Variants in ARID4B observed in about 807,000 individuals in gnomAD.
The protein encoded by ARID4B is AT-rich interactive domain-containing protein 4B.
ARID4B carries 26 observed loss-of-function variants against 147.5 expected under a neutral mutation model. The ratio of observed to expected loss-of-function variants is 0.18; its 90% CI spans 0.13 to 0.24. The LOEUF (loss-of-function observed/expected upper bound fraction) is 0.24, where lower values mean the gene tolerates loss of function less well. Among genes scored for constraint, ARID4B ranks in the 10% least tolerant of loss-of-function variants. The probability of loss-of-function intolerance (pLI) is 1.00; values close to 1 mark genes in which losing one functional copy is unlikely to be tolerated. For missense variants in ARID4B, 1,179 were observed against 1,511.5 expected (o/e 0.78, Z 3.65); for synonymous variants, 512 against 507.9 (o/e 1.01, Z -0.11).
chr1:235,255,542 G>C, intron 5 of ARID4B, 118 bp downstream of exon 5: 1 of 595,834 alleles, frequency 1.7e-6, no homozygotes, highest in Admixed American at 3.6e-5. Flanking sequence ...ATAAAATCCA[G>C]TAACAGTAAT....
At chr1:235,286,454 A>C (rs1671979453) in intron 2 of ARID4B, among the ~76,000 whole-genome samples, 1 of 152,222 alleles carries the variant, frequency 6.6e-6, no homozygotes, top group African/African-American at 2.4e-5. Flanking sequence ...TTAAACAGTT[A>C]AGTTACCATA....
intron 2 of ARID4B, among the ~76,000 whole-genome samples, chr1:235,265,056 G>A (rs1670516985): frequency 1.6e-5 from 2 of 126,978 alleles, no homozygotes; most frequent in South Asian, 2.5e-4. Flanking sequence ...GTGAAACTTC[G>A]TCTCAAAAAA....
chr1:235,183,269 C>T (rs1434245372), intron 19 of ARID4B, among the ~76,000 whole-genome samples: 1 of 150,706 alleles, frequency 6.6e-6, no homozygotes, highest in Non-Finnish European at 1.5e-5. Flanking sequence ...GTGTAAGTGG[C>T]GTGATGTCGG....
chr1:235,247,834 C>T (rs764454219), intron 6 of ARID4B, among the ~76,000 whole-genome samples: 11 of 151,896 alleles, frequency 7.2e-5, no homozygotes, highest in Admixed American at 2.6e-4. Context: ...ACTAAAAATA[C>T]AAAATTAGCC....
intron 17 of ARID4B, among the ~76,000 whole-genome samples, chr1:235,208,676 G>GTT (rs35443364): frequency 1.9e-4 from 29 of 149,790 alleles, no homozygotes; most frequent in South Asian, 1.1e-3. Context: ...CTAATTTTGT[G>GTT]TTTTTTTTTA....
At chr1:235,250,330 G>C (rs1442684195) in intron 6 of ARID4B, among the ~76,000 whole-genome samples, 12 of 151,918 alleles carry the variant, frequency 7.9e-5, no homozygotes, top group African/African-American at 2.9e-4. Flanking sequence ...TACTCTGAAT[G>C]GTCTTTCAAA....
chr1:235,229,055 A>G (rs1427331135), intron 11 of ARID4B, 176 bp downstream of exon 11: 10 of 705,028 alleles, frequency 1.4e-5, no homozygotes, highest in Non-Finnish European at 2.0e-5. Flanking sequence ...ACAAGATCAT[A>G]TATCTAAAGT....
rs1300764248 is a variant in ARID4B, at chr1:235,172,537, CA to C, written c.3811+80del. On this transcript the variant is annotated intron_variant, in intron 23 of 23. Coordinates refer to ENST00000264183, the MANE Select transcript of ARID4B (RefSeq NM_016374.6). ...AGGTTGCAGTGAGCCGAGATTGCGC[CA>C]TTGCACTCCAGCCTGGCGACAAGAG... is the stretch of plus-strand genomic sequence containing the variant. 8.0e-6 allele frequency: 8 copies of C among 1,001,934 alleles called. No individual in the cohort carries two copies. The Admixed American group carries it at 1.7e-4, about 21-fold the overall frequency. The allele number at this position is 1,001,934 out of a possible 1,614,324, so 62.1% of individuals were successfully genotyped here.
chr1:235,320,248 T>C (rs988801215), intron 2 of ARID4B, among the ~76,000 whole-genome samples: 3 of 152,040 alleles, frequency 2.0e-5, no homozygotes, highest in African/African-American at 7.3e-5. Flanking sequence ...GAGGCTGCAG[T>C]GAGCCGAGAT....
intron 17 of ARID4B, among the ~76,000 whole-genome samples, chr1:235,210,531 T>G (rs1666645925): frequency 6.7e-6 from 1 of 149,136 alleles, no homozygotes; most frequent in Non-Finnish European, 1.5e-5. Context: ...TATTGCTTAT[T>G]TATCAATAAG....
Position 235,229,381 on chromosome 1 carries a change from A to G in ARID4B, c.747T>C (p.Phe249=). 6.2e-7 allele frequency: 1 copy of G among 1,609,490 alleles called. No individual in the cohort carries two copies. Among genetic ancestry groups the G allele is most frequent in the South Asian group, 1.1e-5 (1 of 90,770 alleles). Residue 249 remains phenylalanine (F), a synonymous_variant, in exon 11 of 24, where the codon TTT becomes TTC. Transcript: ENST00000264183. ...TTTTGTGAAATTCAAGTGCCTGTTC[A>G]AAGGCTGGAAACAGACCACAAGGTA... is the stretch of plus-strand genomic sequence containing the variant. The part of the protein sequence containing the change: ...PKPDAVLKQA[F]EQALEFHKSR...
chr1:235,272,774 A>G (rs1671075427), intron 2 of ARID4B, among the ~76,000 whole-genome samples: 1 of 151,912 alleles, frequency 6.6e-6, no homozygotes, highest in Non-Finnish European at 1.5e-5. Flanking sequence ...TATTACACAT[A>G]AAATCACATG....
At chr1:235,261,133 G>C (rs558013974) in intron 2 of ARID4B, among the ~76,000 whole-genome samples, 1 of 152,008 alleles carries the variant, frequency 6.6e-6, no homozygotes, top group Non-Finnish European at 1.5e-5. Context: ...ATTCTGGGGT[G>C]GGGGGGAAAT....
intron 21 of ARID4B, among the ~76,000 whole-genome samples, chr1:235,176,437 C>CAAAAAAAAAAAAAAAAAAAAAAAAAAAA (rs34808765): frequency 4.4e-5 from 1 of 22,522 alleles, no homozygotes; most frequent in African/African-American, 9.9e-5. Flanking sequence ...ACAACATCAC[C>CAAAAAAAAAAAAAAAAAAAAAAAAAAAA]AAAAAAAAAA....
chr1:235,309,522 G>A (rs549920169), intron 2 of ARID4B, among the ~76,000 whole-genome samples: 19,898 of 139,360 alleles, frequency 0.14, 1,706 homozygotes, highest in African/African-American at 0.28. Flanking sequence ...CCCTCTGCCC[G>A]GCCAGCCGCC....
chr1:235,254,411 T>C (rs574158907), intron 5 of ARID4B, among the ~76,000 whole-genome samples: 2 of 152,168 alleles, frequency 1.3e-5, no homozygotes, highest in East Asian at 1.9e-4. Context: ...ATCATTATTT[T>C]AGAATGTTGG....
intron 18 of ARID4B, among the ~76,000 whole-genome samples, chr1:235,195,177 G>C (rs890412150): frequency 1.2e-4 from 18 of 152,036 alleles, no homozygotes; most frequent in Non-Finnish European, 2.1e-4. Flanking sequence ...ATGCATAGAA[G>C]ATGCTAATCA....
In ARID4B at chr1:235,194,148, G is replaced by A. The variant is rs1665318722; in HGVS notation, c.1990C>T (p.Arg664Cys). The A allele has an allele frequency of 1.2e-6, 2 of 1,613,422 alleles. No homozygotes were observed. Among genetic ancestry groups the A allele is most frequent in the Non-Finnish European group, 1.7e-6 (2 of 1,179,430 alleles). ...KYSPKNCKLR[R>C]LSKPPFQTNP... ...GTCTGAAATGGTGGTTTGGACAAGC[G>A]CCGAAGTTTACAGTTTTTTGGAGAG... The change falls in exon 19 of 24, where the codon CGC becomes TGC. Residue 664 changes from arginine (R) to cysteine (C), a missense_variant. Physicochemically the swap from Arg to Cys is radical, Grantham distance 180. Transcript: ENST00000264183.
At chr1:235,203,214 T>C (rs16832462) in intron 17 of ARID4B, among the ~76,000 whole-genome samples, 4,517 of 152,304 alleles carry the variant, frequency 0.03, 222 homozygotes, top group African/African-American at 0.1. Context: ...AAAGAAAACT[T>C]TATGGCTTTT....
Sources: gnomAD v4.1 joint callset for allele counts (sites outside exome capture counted in the v4.1 genomes callset) on GRCh38, gnomAD v4.1.1 for gene constraint, MANE v1.5 for transcripts, NCBI Gene and HGNC (gene_info 2026-07-23, HGNC 2026-07-21) for gene names.